NBPF9: variants seen among roughly 807,000 people sequenced by gnomAD.
The protein encoded by NBPF9 is NBPF family member NBPF9.
In NBPF9, 91 loss-of-function variants were observed where a neutral mutation model predicts 97.8. That is an observed-to-expected ratio of 0.93 (90% CI 0.79 to 1.11). NBPF9 has a LOEUF of 1.11. Among genes scored for constraint, NBPF9 ranks in the 50% least tolerant of loss-of-function variants. The pLI is 0.00. For synonymous variants in NBPF9, 334 were observed against 359.5 expected (o/e 0.93, Z 0.80); for missense variants, 992 against 939.5 (o/e 1.06, Z -0.73).
Position 149,055,504 on chromosome 1 carries a change from C to T in NBPF9, c.*152G>A, listed in dbSNP as rs3979957. 1.7e-3 allele frequency: 2,538 copies of T among 1,523,622 alleles called. 9 individuals are homozygous for T. Among genetic ancestry groups the T allele is most frequent in the Non-Finnish European group, 1.8e-3 (2,088 of 1,134,518 alleles). The allele number at this position is 1,523,622 out of a possible 1,614,324, so 94.4% of individuals were successfully genotyped here. On this transcript the variant is annotated 3_prime_UTR_variant, in exon 30 of 30. Transcript: ENST00000584027. Reference sequence around the variant, plus strand: ...TTGTCTTCAGACTGAGCACAGGTTGCCACTGGCATGGTTTGAGAATAGGAA... The same window carrying T: ...TTGTCTTCAGACTGAGCACAGGTTGTCACTGGCATGGTTTGAGAATAGGAA...
chr1:149,093,068 G>T (rs868940966), intron 4 of NBPF9, among the ~76,000 whole-genome samples: 3 of 151,910 alleles, frequency 2.0e-5, no homozygotes, highest in Non-Finnish European at 4.4e-5. Context: ...GATCATTATC[G>T]GGCATTTCTG....
At position 149,057,740 on chromosome 1, in the gene NBPF9, C is replaced by A. The variant is rs1438105498; in HGVS notation, c.2811-233G>T. On this transcript the variant is annotated intron_variant, in intron 27 of 29. Coordinates refer to ENST00000584027, the Ensembl canonical transcript of NBPF9. Reference sequence around the variant, plus strand: ...ACACACACACACACACACACACACACACACACACACACAGAGAGAGAGAGA... The same window carrying A: ...ACACACACACACACACACACACACAAACACACACACACAGAGAGAGAGAGA... Among the ~76,000 whole-genome samples, 226 of 98,202 alleles carry A rather than the reference C, an allele frequency of 2.3e-3. 1 individual carries two copies. The highest frequency in any genetic ancestry group is 6.8e-3 in the African/African-American group (184 of 27,192). 64.4% of individuals were successfully genotyped at this position (98,202 alleles called of 152,430 possible).
chr1:149,076,793 C>T lies in NBPF9; in HGVS notation c.778+415G>A, dbSNP rs183034129. On this transcript the variant is annotated intron_variant, in intron 11 of 29. Coordinates refer to ENST00000584027, the Ensembl canonical transcript of NBPF9. ...AAAGTGCTCGGATTACAGGTGTGACCCACTGCGCCCAGCCGAGACTTATTA... is the reference window on the plus strand; with the variant it reads ...AAAGTGCTCGGATTACAGGTGTGACTCACTGCGCCCAGCCGAGACTTATTA... 4.1e-4 allele frequency among the ~76,000 whole-genome samples: 62 copies of T among 151,296 alleles called. No homozygotes were observed. In the East Asian group the frequency reaches 9.3e-3, roughly 23 times the overall value.
At chr1:149,076,188 A>AT (rs797041636) in intron 11 of NBPF9, among the ~76,000 whole-genome samples, 1 of 151,396 alleles carries the variant, frequency 6.6e-6, no homozygotes, top group Non-Finnish European at 1.5e-5. Flanking sequence ...TGCTTTTTTA[A>AT]TTTTTTTCTT....
intron 7 of NBPF9, among the ~76,000 whole-genome samples, chr1:149,080,559 T>C (rs2080339794): frequency 6.6e-6 from 1 of 151,312 alleles, no homozygotes; most frequent in African/African-American, 2.4e-5. Flanking sequence ...ATGGGACTGA[T>C]GGTTTCCCTT....
intron 11 of NBPF9, among the ~76,000 whole-genome samples, chr1:149,076,533 C>T (rs1262626847): frequency 6.8e-6 from 1 of 146,326 alleles, no homozygotes; most frequent in South Asian, 2.2e-4. Context: ...GATGGAGTCT[C>T]GCTCTGTCTC....
Position 149,059,303 on chromosome 1 carries a change from C to A in NBPF9, c.2586-206G>T. 6.2e-6 allele frequency: 3 copies of A among 485,430 alleles called. 1 individual carries two copies. Among genetic ancestry groups the A allele is most frequent in the East Asian group, 5.6e-5 (2 of 35,434 alleles). The allele number at this position is 485,430 out of a possible 1,614,324, so 30.1% of individuals were successfully genotyped here. ...AGAGAAAGACAGGGAGAGACAGAGA[C>A]AGAGACAGAGAGAAAGTGACCTAGT... On this transcript the variant is annotated intron_variant, in intron 25 of 29. Transcript: ENST00000584027.
intron 4 of NBPF9, among the ~76,000 whole-genome samples, chr1:149,098,034 G>A (rs2081905707): frequency 6.6e-6 from 1 of 152,046 alleles, no homozygotes; most frequent in Non-Finnish European, 1.5e-5. Context: ...GGGGATGCAG[G>A]TGGACAGGGA....
intron 4 of NBPF9, among the ~76,000 whole-genome samples, chr1:149,095,554 C>A (rs1575877950): frequency 8.4e-6 from 1 of 118,590 alleles, no homozygotes; most frequent in African/African-American, 3.1e-5. Context: ...AAAATATTTA[C>A]AAAATAATCT....
exon 1 of NBPF9, chr1:149,103,491 A>T (rs1553663820): frequency 6.6e-6 from 1 of 152,278 alleles, no homozygotes; most frequent in Admixed American, 6.5e-5. Flanking sequence ...CCGCTGTCTC[A>T]ACCGCCGCCC....
At chr1:149,088,150 C>G (rs1389528299) in intron 5 of NBPF9, among the ~76,000 whole-genome samples, 1 of 152,252 alleles carries the variant, frequency 6.6e-6, no homozygotes, top group Non-Finnish European at 1.5e-5. Flanking sequence ...TATTTATAAG[C>G]ACAACATGTA....
intron 9 of NBPF9, 40 bp downstream of exon 9, chr1:149,078,967 G>A (rs1371841656): frequency 1.0e-6 from 1 of 974,022 alleles, no homozygotes; most frequent in South Asian, 1.4e-5. Context: ...CCTCTCATAA[G>A]CCTGGGGTTT....
At chr1:149,063,551 A>T in intron 20 of NBPF9, 82 bp downstream of exon 20, 2 of 696,242 alleles carry the variant, frequency 2.9e-6, no homozygotes, top group Non-Finnish European at 5.1e-6. Context: ...CTCTCAGCTC[A>T]GTAACGGCCA....
Position 149,063,511 on chromosome 1 carries a change from G to C in NBPF9, c.2026+122C>G, listed in dbSNP as rs182533729. ...CTAGAGTTTCATTCAACGTACATGT[G>C]CCTATAGGTCCTCCCTGTGGCAATG... is the stretch of plus-strand genomic sequence containing the variant. On this transcript the variant is annotated intron_variant, in intron 20 of 29. Coordinates refer to ENST00000584027, the Ensembl canonical transcript of NBPF9. 1.1e-3 allele frequency: 756 copies of C among 700,962 alleles called. 52 individuals carry two copies. In the African/African-American group the frequency reaches 0.012, roughly 11 times the overall value. The allele number at this position is 700,962 out of a possible 1,614,324, so 43.4% of individuals were successfully genotyped here. A position where few individuals can be genotyped will look rare whatever the true frequency, so the allele number is the denominator to read the frequency against.
At chr1:149,078,958 C>A (rs1553655515) in intron 9 of NBPF9, 49 bp downstream of exon 9, 14 of 980,296 alleles carry the variant, frequency 1.4e-5, no homozygotes, top group Non-Finnish European at 2.1e-5. Context: ...GGTCTGGAGC[C>A]TCTCATAAGC....
chr1:149,097,014 CAA>C (rs1303261764), intron 4 of NBPF9, among the ~76,000 whole-genome samples: 2 of 132,438 alleles, frequency 1.5e-5, no homozygotes, highest in African/African-American at 2.9e-5. Flanking sequence ...ACATGAGAGA[CAA>C]AGAAAAAGAA....
At chr1:149,072,292 A>G (rs1468673626) in intron 14 of NBPF9, among the ~76,000 whole-genome samples, 4 of 151,824 alleles carry the variant, frequency 2.6e-5, no homozygotes, top group African/African-American at 9.7e-5. Flanking sequence ...CCCTTGCAAG[A>G]GACAATTTGT....
chr1:149,062,270 A>C lies in NBPF9; in HGVS notation c.2079-5T>G, dbSNP rs1553650261. On this transcript the variant is annotated splice_polypyrimidine_tract_variant and splice_region_variant and intron_variant, in intron 21 of 29. Transcript: ENST00000584027. Reference sequence around the variant, plus strand: ...TCCAGCAGCTCCCTGCTGAGCCTGGAAAAGTAGGAAAAAGTAAAGAATAAG... The same window carrying C: ...TCCAGCAGCTCCCTGCTGAGCCTGGCAAAGTAGGAAAAAGTAAAGAATAAG... 3.0e-6 allele frequency: 2 copies of C among 659,248 alleles called. No individual in the cohort carries two copies. 40.8% of individuals were successfully genotyped at this position (659,248 alleles called of 1,614,324 possible). A position where few individuals can be genotyped will look rare whatever the true frequency, so the allele number is the denominator to read the frequency against.
exon 30 of NBPF9, chr1:149,055,347 G>A (rs1252804776): frequency 8.8e-6 from 5 of 568,796 alleles, no homozygotes; most frequent in South Asian, 4.2e-5. Context: ...TCAGAGACAT[G>A]TCTGCAAAAT....
Sources: gnomAD v4.1 joint callset for allele counts (sites outside exome capture counted in the v4.1 genomes callset) on GRCh38, gnomAD v4.1.1 for gene constraint, MANE v1.5 for transcripts, NCBI Gene and HGNC (gene_info 2026-07-23, HGNC 2026-07-21) for gene names.